Variants in SYN1 observed in about 807,000 individuals in gnomAD.
The protein encoded by SYN1 is synapsin-1.
A neutral mutation model predicts 44.6 loss-of-function variants in SYN1; 8 were observed. The ratio of observed to expected loss-of-function variants is 0.18; its 90% confidence interval spans 0.11 to 0.32. SYN1 has a LOEUF of 0.32. Among genes scored for constraint, SYN1 ranks in the 10% least tolerant of loss-of-function variants. SYN1 has a pLI of 1.00. For synonymous variants in SYN1, 275 were observed against 280.1 expected, an observed-to-expected ratio of 0.98 and a Z score of 0.18; for missense variants, 451 against 639.4, an observed-to-expected ratio of 0.71 and a Z score of 3.18.
intron 11 of SYN1, 39 bp from the exon 12 acceptor site, chrX:47,574,629 G>A (rs763803450): frequency 3.6e-6 from 4 of 1,120,371 alleles, no homozygotes; most frequent in South Asian, 3.9e-5. Context: ...ACGTGAGAGT[G>A]AGCGGGTAAG....
In SYN1 at chrX:47,605,078, C is replaced by A. The variant is rs1347763636; in HGVS notation, c.685-11G>T. The A allele has an allele frequency of 3.3e-6, 4 of 1,208,313 alleles. No homozygotes were observed. Among genetic ancestry groups the A allele is most frequent in the Non-Finnish European group, 4.5e-6 (4 of 892,530 alleles). On this transcript the variant is annotated splice_polypyrimidine_tract_variant and intron_variant, in intron 4 of 12. Coordinates refer to ENST00000295987, the MANE Select transcript of SYN1 (RefSeq NM_006950.3). ...AACCATCTGGGCAAACTATGAGAAC[C>A]AGGAGAGCTGGGTCAGTGAGTCCTT...
chrX:47,607,519 C>T (rs760581), intron 1 of SYN1, among the ~76,000 whole-genome samples: 46,415 of 109,387 alleles, frequency 0.42, 7,408 homozygotes, highest in African/African-American at 0.53. Flanking sequence ...AAATTAGCAG[C>T]ACTATGTAAA....
chrX:47,583,636 C>T (rs2057809520), intron 5 of SYN1: 2 of 949,226 alleles, frequency 2.1e-6, no homozygotes, highest in African/African-American at 2.0e-5. Context: ...ATTCCACTCG[C>T]CCCTGCACTT....
chrX:47,603,640 A>G (rs954139972), intron 5 of SYN1, among the ~76,000 whole-genome samples: 9 of 110,825 alleles, frequency 8.1e-5, no homozygotes, highest in South Asian at 3.7e-4. Flanking sequence ...TTGTAGCCCA[A>G]TGACCCAACT....
intron 5 of SYN1, among the ~76,000 whole-genome samples, chrX:47,580,902 C>A (rs1232516278): frequency 9.3e-6 from 1 of 107,804 alleles, no homozygotes; most frequent in Non-Finnish European, 1.9e-5. Flanking sequence ...CCACTGCACT[C>A]CAGCCTAGGT....
chrX:47,609,019 C>T (rs2057909368), intron 1 of SYN1, among the ~76,000 whole-genome samples: 1 of 109,381 alleles, frequency 9.1e-6, no homozygotes, highest in Non-Finnish European at 1.9e-5. Flanking sequence ...CACACACACA[C>T]ACACACACAC....
chrX:47,596,534 A>C (rs1208235620), intron 5 of SYN1, among the ~76,000 whole-genome samples: 3 of 112,526 alleles, frequency 2.7e-5, no homozygotes. Flanking sequence ...GCACACCCTG[A>C]CATGCACATA....
At chrX:47,580,204 A>G (rs1445904668) in intron 5 of SYN1, among the ~76,000 whole-genome samples, 29 of 104,667 alleles carry the variant, frequency 2.8e-4, no homozygotes, top group African/African-American at 9.7e-4. Flanking sequence ...TTTTTTTTAA[A>G]TAGAGACAGG....
At chrX:47,610,544 G>C (rs1196069193) in intron 1 of SYN1, among the ~76,000 whole-genome samples, 1 of 108,412 alleles carries the variant, frequency 9.2e-6, no homozygotes, top group Non-Finnish European at 1.9e-5. Flanking sequence ...TTCTAGGCTT[G>C]CAAAGGGAGA....
rs145911562 is a variant in SYN1, at chrX:47,607,150, T to C, written c.426A>G (p.Lys142=). 1,363 of 1,209,945 alleles carry C rather than the reference T, an allele frequency of 1.1e-3. 6 individuals carry two copies. The highest frequency in any genetic ancestry group is 9.2e-3 in the South Asian group (523 of 56,826). ...GKKIHGEIDI[K]VEQAEFSDLN... is the part of the protein sequence containing the mutation. Reference sequence around the variant, plus strand: ...AAATGTCCCAACTTACCTGTTCTACTTTAATGTCAATTTCTCCATGGATCT... The same window carrying C: ...AAATGTCCCAACTTACCTGTTCTACCTTAATGTCAATTTCTCCATGGATCT... The change falls in exon 2 of 13, where the codon AAA becomes AAG. Residue 142 remains lysine (K), a synonymous_variant. Transcript: ENST00000295987.
At chrX:47,619,275 C>T (rs1335681535) in intron 1 of SYN1, 77 bp downstream of exon 1, 2 of 1,175,765 alleles carry the variant, frequency 1.7e-6, no homozygotes, top group Non-Finnish European at 2.3e-6. Context: ...ACACAAGCGG[C>T]GCTCGATAAT....
At chrX:47,588,231 C>T (rs1444972781) in intron 5 of SYN1, among the ~76,000 whole-genome samples, 5 of 112,943 alleles carry the variant, frequency 4.4e-5, no homozygotes, top group African/African-American at 9.6e-5. Flanking sequence ...AGGGGCCAAC[C>T]GCAGCCTTTG....
At chrX:47,585,826 C>T (rs1239762984) in intron 5 of SYN1, 7 of 1,150,405 alleles carry the variant, frequency 6.1e-6, no homozygotes, top group Non-Finnish European at 6.9e-6. Flanking sequence ...TCCCCAAGCC[C>T]GAGACTGCTC....
At chrX:47,607,076 A>T in intron 2 of SYN1, 40 bp from the exon 3 acceptor site, 1 of 1,207,662 alleles carries the variant, frequency 8.3e-7, no homozygotes, top group Non-Finnish European at 1.1e-6. Flanking sequence ...CCTACATCAC[A>T]CAAAAATGGC....
chrX:47,601,735 GTC>G (rs768580385), intron 5 of SYN1, among the ~76,000 whole-genome samples: 8 of 112,202 alleles, frequency 7.1e-5, no homozygotes, highest in Non-Finnish European at 1.1e-4. Flanking sequence ...ACAGAGCAAT[GTC>G]TCTTACGAAT....
intron 5 of SYN1, among the ~76,000 whole-genome samples, chrX:47,603,909 T>C (rs2313093): frequency 2.3e-5 from 2 of 87,990 alleles, no homozygotes; most frequent in African/African-American, 8.3e-5. Flanking sequence ...TATATATATT[T>C]TTTTTTTTTT....
chrX:47,607,743 A>AAC (rs1430064747), intron 1 of SYN1, among the ~76,000 whole-genome samples: 1 of 107,990 alleles, frequency 9.3e-6, no homozygotes, highest in Non-Finnish European at 1.9e-5. Flanking sequence ...AAAAAAAAAA[A>AAC]AACAAAAGCC....
At chrX:47,578,348 T>A (rs767900326) in intron 5 of SYN1, among the ~76,000 whole-genome samples, 2 of 110,771 alleles carry the variant, frequency 1.8e-5, no homozygotes, top group South Asian at 7.7e-4. Context: ...AAAACACCCC[T>A]AGGCAAATGC....
At chrX:47,586,480 C>A in intron 5 of SYN1, 1 of 1,194,184 alleles carries the variant, frequency 8.4e-7, no homozygotes, top group Admixed American at 2.2e-5. Flanking sequence ...ACGGGGGAGG[C>A]AGGGAGAAGC....
Sources: gnomAD v4.1 joint callset for allele counts (sites outside exome capture counted in the v4.1 genomes callset) on GRCh38, gnomAD v4.1.1 for gene constraint, MANE v1.5 for transcripts, NCBI Gene and HGNC (gene_info 2026-07-23, HGNC 2026-07-21) for gene names.